PSEN1: variants seen among roughly 807,000 people sequenced by gnomAD.
The protein encoded by PSEN1 is presenilin 1.
In PSEN1, 15 loss-of-function variants were observed where a neutral mutation model predicts 53.5. The ratio of observed to expected loss-of-function variants is 0.28; its 90% CI spans 0.19 to 0.43. PSEN1 has a LOEUF of 0.43. Ranked by LOEUF, PSEN1 falls within the 20% of genes least tolerant of loss-of-function variation. PSEN1 has a pLI of 1.00. For missense variants in PSEN1, 387 were observed against 571.2 expected (o/e 0.68, Z 3.29); for synonymous variants, 208 against 209.8 (o/e 0.99, Z 0.08).
At chr14:73,140,678 A>G (rs1896900655) in intron 1 of PSEN1, among the ~76,000 whole-genome samples, 5 of 152,168 alleles carry the variant, frequency 3.3e-5, no homozygotes, top group Admixed American at 2.0e-4. Context: ...TGGCATTTGC[A>G]TAGTACCTTT....
At chr14:73,167,846 T>TG (rs60922931) in intron 3 of PSEN1, 1 of 146,266 alleles carries the variant, frequency 6.8e-6, no homozygotes, top group Non-Finnish European at 1.5e-5. Flanking sequence ...TTTTTTTTTT[T>TG]GCTTCGAAGA....
At chr14:73,143,989 A>T (rs1450332194) in intron 1 of PSEN1, among the ~76,000 whole-genome samples, 11 of 23,890 alleles carry the variant, frequency 4.6e-4, no homozygotes, top group African/African-American at 3.9e-3. Context: ...CTTGTCTCTT[A>T]AAAAAAAAAA....
chr14:73,202,106 G>A (rs879473505), intron 8 of PSEN1, among the ~76,000 whole-genome samples: 9 of 151,832 alleles, frequency 5.9e-5, no homozygotes, highest in African/African-American at 1.7e-4. Flanking sequence ...GTGCAGTGGC[G>A]CAATCTCAGC....
chr14:73,160,349 G>C (rs1388808189), intron 3 of PSEN1, among the ~76,000 whole-genome samples: 1 of 152,252 alleles, frequency 6.6e-6, no homozygotes, highest in African/African-American at 2.4e-5. Flanking sequence ...TATGGTGAAA[G>C]TGGCTATGCA....
chr14:73,173,820 A>T (rs912725051), intron 5 of PSEN1, 113 bp downstream of exon 5: 2 of 1,301,186 alleles, frequency 1.5e-6, no homozygotes, highest in African/African-American at 1.5e-5. Context: ...TCTTCTAGAG[A>T]TAAGTTAATT....
chr14:73,153,740 C>T (rs1377478112), intron 3 of PSEN1, among the ~76,000 whole-genome samples: 1 of 137,802 alleles, frequency 7.3e-6, no homozygotes, highest in Non-Finnish European at 1.5e-5. Context: ...TGAAACGGAG[C>T]CTCCCTCTGT....
At chr14:73,188,819 C>T (rs1448372366) in intron 6 of PSEN1, among the ~76,000 whole-genome samples, 1 of 152,096 alleles carries the variant, frequency 6.6e-6, no homozygotes, top group Non-Finnish European at 1.5e-5. Flanking sequence ...GATAGAGTCT[C>T]ACTCTGTCAT....
chr14:73,183,472 A>G, intron 5 of PSEN1, among the ~76,000 whole-genome samples: 1 of 152,190 alleles, frequency 6.6e-6, no homozygotes, highest in African/African-American at 2.4e-5. Flanking sequence ...GTCCCTGGGT[A>G]CTTGAGATTA....
At chr14:73,145,882 G>A (rs1897055632) in intron 1 of PSEN1, among the ~76,000 whole-genome samples, 1 of 151,974 alleles carries the variant, frequency 6.6e-6, no homozygotes, top group African/African-American at 2.4e-5. Context: ...TGAGGTGGGT[G>A]GATCACTTGT....
chr14:73,179,129 T>C (rs1898129005), intron 5 of PSEN1, among the ~76,000 whole-genome samples: 1 of 152,196 alleles, frequency 6.6e-6, no homozygotes, highest in Non-Finnish European at 1.5e-5. Context: ...AAGTGGACTT[T>C]ATCTTCCTAA....
chr14:73,142,760 C>G (rs1045725915), intron 1 of PSEN1, among the ~76,000 whole-genome samples: 2 of 152,156 alleles, frequency 1.3e-5, no homozygotes, highest in African/African-American at 4.8e-5. Flanking sequence ...ATTTGTAGTT[C>G]TCCTGGGGCT....
At chr14:73,201,083 G>A (rs1014491532) in intron 8 of PSEN1, among the ~76,000 whole-genome samples, 75 of 150,882 alleles carry the variant, frequency 5.0e-4, no homozygotes, top group South Asian at 2.5e-3. Flanking sequence ...CTTTTTGTTT[G>A]TTTGTTTGTT....
intron 5 of PSEN1, among the ~76,000 whole-genome samples, chr14:73,178,936 T>A (rs1031851562): frequency 2.0e-5 from 3 of 152,138 alleles, no homozygotes; most frequent in Non-Finnish European, 1.5e-5. Context: ...TATAGTGGTG[T>A]TCTATTTGTA....
chr14:73,182,556 AAATTAGGC>A (rs1421436262), intron 5 of PSEN1, among the ~76,000 whole-genome samples: 1 of 152,092 alleles, frequency 6.6e-6, no homozygotes, highest in Admixed American at 6.5e-5. Context: ...AAAAAAATTA[AAATTAGGC>A]CGGGCATGGT....
intron 7 of PSEN1, among the ~76,000 whole-genome samples, chr14:73,195,965 T>C (rs1898923150): frequency 6.6e-6 from 1 of 152,228 alleles, no homozygotes; most frequent in Non-Finnish European, 1.5e-5. Context: ...AATATTCTTT[T>C]CACCGTATTA....
chr14:73,152,351 A>G (rs1232946564), intron 3 of PSEN1, among the ~76,000 whole-genome samples: 2 of 150,446 alleles, frequency 1.3e-5, no homozygotes, highest in African/African-American at 4.9e-5. Context: ...TGGCTCACAC[A>G]TGTAATCCCA....
intron 5 of PSEN1, among the ~76,000 whole-genome samples, chr14:73,186,336 G>A (rs766911262): frequency 5.9e-5 from 9 of 151,892 alleles, no homozygotes; most frequent in African/African-American, 1.5e-4. Flanking sequence ...CCGAGATTGC[G>A]CCATTGCACT....
At chr14:73,178,999 C>T (rs559608553) in intron 5 of PSEN1, among the ~76,000 whole-genome samples, 3 of 152,134 alleles carry the variant, frequency 2.0e-5, no homozygotes, top group Non-Finnish European at 4.4e-5. Context: ...CATACTCACT[C>T]ACCTTGGGAA....
chr14:73,183,908 C>T (rs1432835566), intron 5 of PSEN1, among the ~76,000 whole-genome samples: 65 of 148,752 alleles, frequency 4.4e-4, no homozygotes, highest in African/African-American at 1.6e-3. Flanking sequence ...CCGGGCGGGG[C>T]GGCTGGCCGG....
Sources: gnomAD v4.1 joint callset for allele counts (sites outside exome capture counted in the v4.1 genomes callset) on GRCh38, gnomAD v4.1.1 for gene constraint, MANE v1.5 for transcripts, NCBI Gene and HGNC (gene_info 2026-07-23, HGNC 2026-07-21) for gene names.